TSGA10: variants seen among roughly 807,000 people sequenced by gnomAD.
TSGA10 encodes testis-specific gene 10 protein.
A neutral mutation model predicts 96.6 loss-of-function variants in TSGA10; 43 were observed. The observed-to-expected ratio is 0.44, with a 90% confidence interval of 0.35 to 0.57. TSGA10 has a LOEUF of 0.57. Among genes scored for constraint, TSGA10 ranks in the 20% least tolerant of loss-of-function variants. TSGA10 has a pLI of 0.01. For missense variants in TSGA10, 703 were observed against 834.4 expected, an observed-to-expected ratio of 0.84 and a Z score of 1.94; for synonymous variants, 229 against 269.9, an observed-to-expected ratio of 0.85 and a Z score of 1.48.
At chr2:99,015,125 C>T (rs1439891633) in intron 20 of TSGA10, among the ~76,000 whole-genome samples, 1 of 152,144 alleles carries the variant, frequency 6.6e-6, no homozygotes, top group Non-Finnish European at 1.5e-5. Context: ...ACGGAATCCT[C>T]CCTAAATCAT....
At chr2:99,127,000 C>G (rs1243010904) in intron 2 of TSGA10, 48 bp downstream of exon 2, 1 of 1,276,628 alleles carries the variant, frequency 7.8e-7, no homozygotes, top group Admixed American at 2.4e-5. Flanking sequence ...TCAAAATAGG[C>G]TCCCACCCCA....
At chr2:99,030,091 A>T (rs761204539) in intron 17 of TSGA10, among the ~76,000 whole-genome samples, 10 of 152,216 alleles carry the variant, frequency 6.6e-5, no homozygotes, top group Non-Finnish European at 1.3e-4. Context: ...TCATGCCTGT[A>T]ATCCCAGCAC....
At chr2:99,101,433 G>A (rs1350280473) in intron 10 of TSGA10, among the ~76,000 whole-genome samples, 2 of 152,022 alleles carry the variant, frequency 1.3e-5, no homozygotes. Flanking sequence ...CCCTCAAAGT[G>A]CTGGGATTAC....
At chr2:99,049,002 G>C (rs1229848163) in intron 16 of TSGA10, among the ~76,000 whole-genome samples, 2 of 152,192 alleles carry the variant, frequency 1.3e-5, no homozygotes, top group Non-Finnish European at 2.9e-5. Context: ...CTGGTCATTA[G>C]AGAAATGCAA....
intron 16 of TSGA10, among the ~76,000 whole-genome samples, chr2:99,047,231 G>T (rs1360662982): frequency 6.6e-6 from 1 of 152,200 alleles, no homozygotes; most frequent in Non-Finnish European, 1.5e-5. Flanking sequence ...TATGAGGCCA[G>T]CATCATCCTG....
chr2:99,150,938 A>T, intron 1 of TSGA10: 1 of 705,664 alleles, frequency 1.4e-6, no homozygotes, highest in Non-Finnish European at 2.4e-6. Flanking sequence ...AAATGATGGA[A>T]GACTATTGCC....
At chr2:99,103,444 T>C (rs1035411211) in intron 10 of TSGA10, among the ~76,000 whole-genome samples, 2 of 152,234 alleles carry the variant, frequency 1.3e-5, no homozygotes, top group East Asian at 1.9e-4. Context: ...GCTGCTTCAA[T>C]TGATACATCT....
In TSGA10 at chr2:99,105,341, C is replaced by CTTTTTTTT; in HGVS notation, c.459+10_459+17dup. The CTTTTTTTT allele has an allele frequency of 6.8e-7, 1 of 1,460,360 alleles. No homozygotes were observed. Among genetic ancestry groups the CTTTTTTTT allele is most frequent in the Non-Finnish European group, 9.2e-7 (1 of 1,082,642 alleles). The allele number at this position is 1,460,360 out of a possible 1,614,324, so 90.5% of individuals were successfully genotyped here. On this transcript the variant is annotated intron_variant, in intron 9 of 20. Coordinates refer to ENST00000393483, the MANE Select transcript of TSGA10 (RefSeq NM_025244.4). The stretch of plus-strand genomic sequence containing the variant: ...GTGTTTATAGCCAAAAGAGACTTTT[C>CTTTTTTTT]TTTTTTTTTTTTTTTACATTATGAA...
intron 16 of TSGA10, among the ~76,000 whole-genome samples, chr2:99,038,234 A>G (rs2081843338): frequency 6.6e-6 from 1 of 152,172 alleles, no homozygotes; most frequent in African/African-American, 2.4e-5. Context: ...CCTATAAAAC[A>G]ATAACACAAT....
chr2:99,095,224 C>T (rs575492978), intron 10 of TSGA10, among the ~76,000 whole-genome samples: 1 of 151,994 alleles, frequency 6.6e-6, no homozygotes, highest in Non-Finnish European at 1.5e-5. Flanking sequence ...AAGGATGATA[C>T]AATGGACTTT....
At chr2:99,144,316 C>T (rs1408771385) in intron 1 of TSGA10, among the ~76,000 whole-genome samples, 1 of 152,046 alleles carries the variant, frequency 6.6e-6, no homozygotes, top group East Asian at 1.9e-4. Context: ...CCACCGCGCC[C>T]GGCCTGTGTT....
chr2:99,073,550 T>C (rs1024361483), intron 12 of TSGA10, among the ~76,000 whole-genome samples: 1 of 152,230 alleles, frequency 6.6e-6, no homozygotes, highest in Non-Finnish European at 1.5e-5. Context: ...GTATTATTTA[T>C]ATTAGCCAGC....
chr2:99,125,637 T>C (rs888109528), intron 2 of TSGA10: 7 of 152,196 alleles, frequency 4.6e-5, no homozygotes, highest in African/African-American at 1.7e-4. Flanking sequence ...GGATCTTATG[T>C]TTTAGCAGGC....
At chr2:99,090,103 C>T (rs915402389) in intron 10 of TSGA10, among the ~76,000 whole-genome samples, 1 of 152,150 alleles carries the variant, frequency 6.6e-6, no homozygotes, top group African/African-American at 2.4e-5. Flanking sequence ...GTACAAACAC[C>T]CCCCAGTACC....
At chr2:99,075,448 G>GGTA (rs976829910) in intron 12 of TSGA10, among the ~76,000 whole-genome samples, 6 of 151,884 alleles carry the variant, frequency 4.0e-5, no homozygotes, top group African/African-American at 1.5e-4. Context: ...AATTTTAATT[G>GGTA]GTAGCAAGTA....
chr2:99,140,947 C>CTT lies in TSGA10; in HGVS notation c.-621+13745_-621+13746insAA. On this transcript the variant is annotated intron_variant, in intron 1 of 20. Transcript: ENST00000393483. ...TGCCCGCCGCTGCCCCTCACAGCCG[C>CTT]TCCCGCTGCTAGCGCCCAACTCCGC... 3 of 520,700 alleles carry CTT rather than the reference C, an allele frequency of 5.8e-6. No homozygotes were observed. In the South Asian group the frequency reaches 6.7e-5, roughly 12 times the overall value. The allele number at this position is 520,700 out of a possible 1,614,324, so 32.3% of individuals were successfully genotyped here. A position where few individuals can be genotyped will look rare whatever the true frequency, so the allele number is the denominator to read the frequency against.
rs1024093171 is a variant in TSGA10 at position 99,149,879 on chromosome 2, G to A, written c.-621+4814C>T. On this transcript the variant is annotated intron_variant, in intron 1 of 20. Coordinates refer to ENST00000393483, the MANE Select transcript of TSGA10 (RefSeq NM_025244.4). Reference sequence around the variant, plus strand: ...GCAATATTGGCTCACTGCAACCTCCGTCTTCCAGGTTCAAGCTATTCTCTT... The same window carrying A: ...GCAATATTGGCTCACTGCAACCTCCATCTTCCAGGTTCAAGCTATTCTCTT... 2.1e-5 allele frequency among the ~76,000 whole-genome samples: 3 copies of A among 143,784 alleles called. 1 individual carries two copies. Among genetic ancestry groups the A allele is most frequent in the South Asian group, 4.3e-4 (2 of 4,658 alleles). 94.3% of individuals were successfully genotyped at this position (143,784 alleles called of 152,430 possible).
intron 16 of TSGA10, among the ~76,000 whole-genome samples, chr2:99,046,307 G>C (rs1469573127): frequency 1.3e-5 from 2 of 152,056 alleles, no homozygotes; most frequent in Non-Finnish European, 2.9e-5. Context: ...TTCCAAAATT[G>C]ACCACATAGT....
intron 16 of TSGA10, among the ~76,000 whole-genome samples, chr2:99,046,059 C>CTAAATA: frequency 6.6e-6 from 1 of 151,804 alleles, no homozygotes; most frequent in Admixed American, 6.5e-5. Context: ...ACAGGAGCAC[C>CTAAATA]CAGATGAATA....
Sources: allele counts gnomAD v4.1 joint callset (sites outside exome capture counted in the v4.1 genomes callset), GRCh38; gene constraint gnomAD v4.1.1; transcripts MANE v1.5; gene names NCBI Gene and HGNC (gene_info 2026-07-23, HGNC 2026-07-21).